PKHD1: variants seen among roughly 807,000 people sequenced by gnomAD.
The protein encoded by PKHD1 is fibrocystin.
In PKHD1, 291 loss-of-function variants were observed where a neutral mutation model predicts 412.0. The ratio of observed to expected loss-of-function variants is 0.71; its 90% confidence interval spans 0.64 to 0.78. The LOEUF is 0.78. Ranked by LOEUF, PKHD1 falls within the 30% of genes least tolerant of loss-of-function variation. PKHD1 has a pLI of 0.00. For synonymous variants in PKHD1, 1,777 were observed against 1,821.5 expected (o/e 0.98, Z 0.62); for missense variants, 4,825 against 4,950.7 (o/e 0.97, Z 0.76).
At position 51,632,575 on chromosome 6, in the gene PKHD1, G is replaced by C; in HGVS notation, c.11655C>G (p.Ser3885Arg). The change falls in exon 65 of 67, where the codon AGC becomes AGG. Residue 3885 changes from serine to arginine, a missense_variant. Transcript: ENST00000371117. ...SCLVCCWLKR[S>R]KSRKTKPEEI... ...AAAAAAACTACATACTTCTGCTTTT[G>C]CTTCTTTTAAGCCAACAGCACACCA... is the stretch of plus-strand genomic sequence containing the variant. 1 of 1,612,034 alleles carries C rather than the reference G, an allele frequency of 6.2e-7. No homozygotes were observed. Among genetic ancestry groups the C allele is most frequent in the Non-Finnish European group, 8.5e-7 (1 of 1,178,904 alleles).
intron 60 of PKHD1, among the ~76,000 whole-genome samples, chr6:51,676,526 CAAAAT>C (rs1775881579): frequency 6.6e-6 from 1 of 152,030 alleles, no homozygotes; most frequent in Admixed American, 6.5e-5. Context: ...TTGACAAAAA[CAAAAT>C]ATATACTCAT....
chr6:51,860,284 T>A (rs748669069), intron 48 of PKHD1, among the ~76,000 whole-genome samples: 4 of 152,112 alleles, frequency 2.6e-5, no homozygotes, highest in Non-Finnish European at 5.9e-5. Context: ...GTACTGACCA[T>A]CACCAGGGGC....
intron 48 of PKHD1, among the ~76,000 whole-genome samples, chr6:51,867,460 G>C (rs898632563): frequency 1.3e-5 from 2 of 152,078 alleles, no homozygotes; most frequent in African/African-American, 4.8e-5. Flanking sequence ...TGCTTCCCTG[G>C]AGCATATTGA....
intron 11 of PKHD1, among the ~76,000 whole-genome samples, chr6:52,067,163 G>A (rs1487859203): frequency 6.6e-6 from 1 of 152,136 alleles, no homozygotes. Flanking sequence ...ACAAAGCAGA[G>A]GAGACATATG....
At chr6:51,643,056 A>T (rs2150345765) in intron 63 of PKHD1, among the ~76,000 whole-genome samples, 1 of 152,266 alleles carries the variant, frequency 6.6e-6, no homozygotes, top group East Asian at 1.9e-4. Flanking sequence ...CAGAACATGA[A>T]AAAAGCTAAA....
chr6:52,045,462 C>T (rs1029718693), intron 24 of PKHD1, among the ~76,000 whole-genome samples: 14 of 152,190 alleles, frequency 9.2e-5, no homozygotes, highest in African/African-American at 3.4e-4. Flanking sequence ...ATTCTTCCTC[C>T]ATCTCCTTTC....
chr6:51,715,696 A>G (rs1283650985), intron 60 of PKHD1, among the ~76,000 whole-genome samples: 1 of 152,206 alleles, frequency 6.6e-6, no homozygotes, highest in Non-Finnish European at 1.5e-5. Flanking sequence ...TTGGGAGGAC[A>G]TGGGAAGAAA....
intron 35 of PKHD1, among the ~76,000 whole-genome samples, chr6:52,002,170 T>C (rs1286025248): frequency 6.7e-6 from 1 of 148,594 alleles, no homozygotes; most frequent in Non-Finnish European, 1.5e-5. Context: ...ACAACTACTA[T>C]ATCATAATGC....
chr6:51,936,540 G>C (rs1168589238), intron 36 of PKHD1, among the ~76,000 whole-genome samples: 4 of 152,168 alleles, frequency 2.6e-5, no homozygotes, highest in Non-Finnish European at 5.9e-5. Flanking sequence ...AGAAATGAGA[G>C]GGAGAGAGGA....
chr6:51,659,910 T>C lies in PKHD1; in HGVS notation c.10216A>G (p.Lys3406Glu). The C allele has an allele frequency of 6.2e-7, 1 of 1,612,718 alleles. No homozygotes were observed. The highest frequency in any genetic ancestry group is 8.5e-7 in the Non-Finnish European group (1 of 1,178,916). Residue 3406 changes from lysine to glutamate, a missense_variant, in exon 61 of 67, where the codon AAA becomes GAA. Coordinates refer to ENST00000371117, the MANE Select transcript of PKHD1 (RefSeq NM_138694.4). ...YQFLMQGFIC[K>E]QTDQVVLILD... is the part of the protein sequence containing the mutation. ...ATTAGGACCACTTGGTCAGTCTGTT[T>C]GCAGATGAATCCTTGCATCAGAAAT...
intron 35 of PKHD1, among the ~76,000 whole-genome samples, chr6:52,005,253 G>A (rs778394865): frequency 1.3e-5 from 2 of 152,100 alleles, no homozygotes; most frequent in African/African-American, 2.4e-5. Context: ...TTACCAATCA[G>A]TTCATCCATA....
intron 60 of PKHD1, among the ~76,000 whole-genome samples, chr6:51,736,956 C>T (rs1273406364): frequency 6.6e-6 from 1 of 152,200 alleles, no homozygotes; most frequent in Non-Finnish European, 1.5e-5. Context: ...GAGCTTTCCC[C>T]ATTATTCAGT....
Position 51,892,710 on chromosome 6 carries a change from T to C in PKHD1, c.6997-5465A>G, listed in dbSNP as rs563097473. ...TTACAATAAGAATGCTTTAATAGTC[T>C]TTACTAGGAAACTATTGATATCATT... On this transcript the variant is annotated intron_variant, in intron 43 of 66. Coordinates refer to ENST00000371117, the MANE Select transcript of PKHD1 (RefSeq NM_138694.4). Among the ~76,000 whole-genome samples, 6 of 152,314 alleles carry C rather than the reference T, an allele frequency of 3.9e-5. 1 individual carries two copies. The South Asian group carries it at 1.2e-3, about 32-fold the overall frequency.
At chr6:51,862,509 C>G (rs537967796) in intron 48 of PKHD1, among the ~76,000 whole-genome samples, 1 of 152,196 alleles carries the variant, frequency 6.6e-6, no homozygotes, top group East Asian at 1.9e-4. Context: ...TGATGCCATG[C>G]CTATTTATCC....
chr6:51,819,111 G>T (rs1279878062), intron 52 of PKHD1, among the ~76,000 whole-genome samples: 1 of 152,140 alleles, frequency 6.6e-6, no homozygotes, highest in Non-Finnish European at 1.5e-5. Flanking sequence ...TGTTAAATTA[G>T]GTGTGAGAAC....
intron 63 of PKHD1, among the ~76,000 whole-genome samples, chr6:51,644,361 C>T (rs1037268156): frequency 2.0e-5 from 3 of 152,058 alleles, no homozygotes; most frequent in Non-Finnish European, 4.4e-5. Flanking sequence ...GCAATGTGCA[C>T]CATATGATAG....
At position 51,837,566 on chromosome 6, in the gene PKHD1, C is replaced by T. The variant is rs562565555; in HGVS notation, c.8108-1097G>A. The stretch of plus-strand genomic sequence containing the variant: ...ACTAAAAACACAAAAACTAGCCATG[C>T]GTACTGGTGCACTCCTATAATCCCA... On this transcript the variant is annotated intron_variant, in intron 50 of 66. Coordinates refer to ENST00000371117, the MANE Select transcript of PKHD1 (RefSeq NM_138694.4). 2.2e-3 allele frequency among the ~76,000 whole-genome samples: 339 copies of T among 152,068 alleles called. 1 individual carries two copies. The highest frequency in any genetic ancestry group is 2.9e-3 in the Non-Finnish European group (198 of 67,972).
chr6:51,731,055 G>C (rs865926365), intron 60 of PKHD1, among the ~76,000 whole-genome samples: 20 of 152,108 alleles, frequency 1.3e-4, no homozygotes, highest in Middle Eastern at 6.8e-3. Context: ...CAAGTAGCTG[G>C]TATTATAGGT....
chr6:51,763,415 G>T lies in PKHD1; in HGVS notation c.8643-8477C>A, dbSNP rs541714460. ...TCCTTTCAAAATAGCCTGTAGCTCA[G>T]ACTCCAAATGAGGTTTTTAACACAT... On this transcript the variant is annotated intron_variant, in intron 55 of 66. Transcript: ENST00000371117. Among the ~76,000 whole-genome samples, 6 of 152,156 alleles carry T rather than the reference G, an allele frequency of 3.9e-5. No homozygotes were observed. The South Asian group carries it at 1.2e-3, about 32-fold the overall frequency.
Sources: allele counts gnomAD v4.1 joint callset (sites outside exome capture counted in the v4.1 genomes callset), GRCh38; gene constraint gnomAD v4.1.1; transcripts MANE v1.5; gene names NCBI Gene and HGNC (gene_info 2026-07-23, HGNC 2026-07-21).